The following GGNBP2 variants were observed in gnomAD, a reference collection of about 807,000 sequenced individuals.
GGNBP2 encodes gametogenetin-binding protein 2.
A neutral mutation model predicts 85.9 loss-of-function variants in GGNBP2; 10 were observed. The ratio of observed to expected loss-of-function variants is 0.12; its 90% CI spans 0.07 to 0.20. The LOEUF is 0.20. GGNBP2 is among the 10% of genes least tolerant of loss of function. The pLI is 1.00. For synonymous variants in GGNBP2, 287 were observed against 285.7 expected (o/e 1.00, Z -0.05); for missense variants, 595 against 857.8 (o/e 0.69, Z 3.83).
At chr17:36,548,256 C>T (rs1392475883) in intron 2 of GGNBP2, among the ~76,000 whole-genome samples, 3 of 152,142 alleles carry the variant, frequency 2.0e-5, no homozygotes, top group Non-Finnish European at 4.4e-5. Flanking sequence ...TGAAACTTTA[C>T]CCTTAGTTAA....
intron 4 of GGNBP2, among the ~76,000 whole-genome samples, chr17:36,558,074 T>G (rs1243788649): frequency 1.3e-5 from 2 of 149,008 alleles, no homozygotes; most frequent in Non-Finnish European, 3.0e-5. Flanking sequence ...ATCACGCCAC[T>G]GCAGTCCAGC....
rs1363676790 is a variant in GGNBP2 at position 36,587,258 on chromosome 17, T to C, written c.1890+13T>C. 6.2e-7 allele frequency: 1 copy of C among 1,613,672 alleles called. No homozygotes were observed. Among genetic ancestry groups the C allele is most frequent in the African/African-American group, 1.3e-5 (1 of 74,896 alleles). On this transcript the variant is annotated intron_variant, in intron 13 of 13. Coordinates refer to ENST00000613102, the MANE Select transcript of GGNBP2 (RefSeq NM_024835.5). ...AGTTGAACTCCTTGTAAGTATTCCA[T>C]GTGGTCTTACTGTACATAACTGTTT...
At chr17:36,545,583 G>A (rs919607401) in intron 1 of GGNBP2, 36 bp from the exon 2 acceptor site, 16 of 642,002 alleles carry the variant, frequency 2.5e-5, no homozygotes, top group Admixed American at 1.1e-4. Flanking sequence ...CTGCGCAGCG[G>A]CGGGTGCTTA....
intron 12 of GGNBP2, 142 bp from the exon 13 acceptor site, chr17:36,586,855 G>A: frequency 1.3e-6 from 1 of 764,154 alleles, no homozygotes; most frequent in South Asian, 1.9e-5. Context: ...TTGACCTCAG[G>A]TGATCCACCT....
intron 6 of GGNBP2, among the ~76,000 whole-genome samples, chr17:36,570,615 G>A (rs143719731): frequency 1.3e-4 from 20 of 152,250 alleles, no homozygotes; most frequent in South Asian, 4.1e-4. Flanking sequence ...CAGGAGAATC[G>A]CTTGAACCCA....
chr17:36,575,638 A>G (rs1316550358), intron 6 of GGNBP2, among the ~76,000 whole-genome samples: 1 of 46,304 alleles, frequency 2.2e-5, no homozygotes, highest in East Asian at 7.1e-4. Flanking sequence ...ATATATATAT[A>G]TATATATATA....
At chr17:36,568,740 C>T (rs1156601243) in intron 6 of GGNBP2, among the ~76,000 whole-genome samples, 6 of 151,878 alleles carry the variant, frequency 4.0e-5, no homozygotes, top group South Asian at 4.1e-4. Flanking sequence ...TTATAGAACA[C>T]TACTTTTACA....
chr17:36,589,042 T>C (rs1294370197), intron 13 of GGNBP2, among the ~76,000 whole-genome samples, 166 bp from the exon 14 acceptor site: 2 of 152,236 alleles, frequency 1.3e-5, no homozygotes, highest in Non-Finnish European at 2.9e-5. Flanking sequence ...ACTACTTTCT[T>C]AGGCAGAATG....
In GGNBP2 at chr17:36,578,024, A is replaced by G. The variant is rs779251106; in HGVS notation, c.683A>G (p.Asn228Ser). The G allele has an allele frequency of 2.0e-5, 32 of 1,614,098 alleles. No individual in the cohort carries two copies. Among genetic ancestry groups the G allele is most frequent in the Middle Eastern group, 1.6e-4 (1 of 6,084 alleles). The change falls in exon 7 of 14, where the codon AAT (asparagine) becomes AGT (serine). Residue 228 changes from asparagine (N) to serine (S), a missense_variant. Transcript: ENST00000613102. The stretch of plus-strand genomic sequence containing the variant: ...AAAAATAAAGTCCTCCGAGCATACA[A>G]TATCCTTATTGGTGAACTTGACTGC... Reference protein sequence around the residue: ...DCKNKVLRAYNILIGELDCSK... With the variant: ...DCKNKVLRAYSILIGELDCSK...
intron 6 of GGNBP2, among the ~76,000 whole-genome samples, chr17:36,575,890 A>C (rs1310563609): frequency 1.3e-5 from 2 of 149,026 alleles, no homozygotes; most frequent in Non-Finnish European, 3.0e-5. Context: ...CAGATGATCC[A>C]CCCGCCTTTG....
intron 6 of GGNBP2, among the ~76,000 whole-genome samples, chr17:36,574,297 T>A (rs1056058370): frequency 6.6e-6 from 1 of 152,178 alleles, no homozygotes; most frequent in Non-Finnish European, 1.5e-5. Flanking sequence ...AATAAAAATA[T>A]GTATACTACC....
chr17:36,573,146 T>C (rs1184414078), intron 6 of GGNBP2, among the ~76,000 whole-genome samples: 1 of 152,136 alleles, frequency 6.6e-6, no homozygotes, highest in Non-Finnish European at 1.5e-5. Flanking sequence ...ACAGTCTCGC[T>C]CTGTTGCCCA....
At position 36,560,802 on chromosome 17, in the gene GGNBP2, T is replaced by C; in HGVS notation, c.458T>C (p.Ile153Thr). 1 of 1,596,322 alleles carries C rather than the reference T, an allele frequency of 6.3e-7. No homozygotes were observed. The highest frequency in any genetic ancestry group is 8.5e-7 in the Non-Finnish European group (1 of 1,169,674). Residue 153 changes from isoleucine to threonine, a missense_variant, in exon 5 of 14, where the codon ATT becomes ACT. Coordinates refer to ENST00000613102, the MANE Select transcript of GGNBP2 (RefSeq NM_024835.5). ...AAACTAAATGACATGATAGATGCTA[T>C]TCCAAAAAGTAAGAAGAATAAGAGA... ...GSKLNDMIDA[I>T]PKSKKNKRCQ...
intron 6 of GGNBP2, among the ~76,000 whole-genome samples, chr17:36,573,488 A>G (rs940608210): frequency 6.6e-6 from 1 of 152,218 alleles, no homozygotes; most frequent in South Asian, 2.1e-4. Context: ...TGCAGTGAAC[A>G]TGAGTGTGCA....
chr17:36,586,516 A>C, intron 12 of GGNBP2: 1 of 337,474 alleles, frequency 3.0e-6, no homozygotes, highest in Non-Finnish European at 5.5e-6. Context: ...GTGAATGTAT[A>C]TTGGCAGGTG....
At chr17:36,586,266 T>A (rs1027971239) in intron 12 of GGNBP2, 68 bp downstream of exon 12, 2 of 1,545,512 alleles carry the variant, frequency 1.3e-6, no homozygotes, top group African/African-American at 1.4e-5. Flanking sequence ...TTCCTTGGAG[T>A]GGCATATGTG....
intron 6 of GGNBP2, among the ~76,000 whole-genome samples, chr17:36,571,124 G>A (rs1404953610): frequency 6.6e-6 from 1 of 152,182 alleles, no homozygotes; most frequent in Non-Finnish European, 1.5e-5. Context: ...TTAATAAACT[G>A]AAACCTCTGC....
chr17:36,580,212 C>CTTT (rs71159621), intron 8 of GGNBP2, among the ~76,000 whole-genome samples: 57 of 137,576 alleles, frequency 4.1e-4, no homozygotes, highest in South Asian at 1.4e-3. Flanking sequence ...CTTTTCTTTT[C>CTTT]TTTTTTTTTT....
At position 36,575,646 on chromosome 17, in the gene GGNBP2, A is replaced by ATTTTTTT. The variant is rs1360835058; in HGVS notation, c.642-2336_642-2335insTTTTTTT. On this transcript the variant is annotated intron_variant, in intron 6 of 13. Transcript: ENST00000613102. The stretch of plus-strand genomic sequence containing the variant: ...TATATATATATATATATATATATAT[A>ATTTTTTT]TATTTTTTTTTTTTTTTGAGATGGA... 3.5e-4 allele frequency among the ~76,000 whole-genome samples: 19 copies of ATTTTTTT among 54,596 alleles called. No homozygotes were observed. The South Asian group carries it at 4.3e-3, about 12-fold the overall frequency. 35.8% of individuals were successfully genotyped at this position (54,596 alleles called of 152,430 possible).
Sources: allele counts gnomAD v4.1 joint callset (sites outside exome capture counted in the v4.1 genomes callset), GRCh38; gene constraint gnomAD v4.1.1; transcripts MANE v1.5; gene names NCBI Gene and HGNC (gene_info 2026-07-23, HGNC 2026-07-21).